FASN: variants seen among roughly 807,000 people sequenced by gnomAD.
FASN encodes fatty acid synthase, also known as 3-hydroxyacyl-[acyl-carrier-protein] dehydratase.
FASN carries 50 observed loss-of-function variants against 250.0 expected under a neutral mutation model. The ratio of observed to expected loss-of-function variants is 0.20; its 90% CI spans 0.16 to 0.25. The LOEUF is 0.25. FASN is among the 10% of genes least tolerant of loss of function. The pLI is 1.00. For missense variants in FASN, 3,031 were observed against 3,498.5 expected (o/e 0.87, Z 3.37); for synonymous variants, 1,909 against 1,584.0 (o/e 1.21, Z -4.87).
chr17:82,082,433 G>T lies in FASN; in HGVS notation c.5920-19C>A. 6.2e-7 allele frequency: 1 copy of T among 1,612,318 alleles called. No individual in the cohort carries two copies. The highest frequency in any genetic ancestry group is 8.5e-7 in the Non-Finnish European group (1 of 1,179,766). ...TCAAGACCTGGGGGAGGCATCCTCA[G>T]CACTCCCTGCAGCTCCAGGGCCTCA... On this transcript the variant is annotated intron_variant, in intron 34 of 42. Transcript: ENST00000306749.
Position 82,079,099 on chromosome 17 carries a change from TG to T in FASN, c.*43del. On this transcript the variant is annotated 3_prime_UTR_variant, in exon 43 of 43. Coordinates refer to ENST00000306749, the MANE Select transcript of FASN (RefSeq NM_004104.5). ...ATGGCGGGGGTGGGGTGGGGTGGGG[TG>T]GGGATGGTGGAGTGACCTCCGGTGG... 3.5e-6 allele frequency: 4 copies of T among 1,127,710 alleles called. No individual in the cohort carries two copies. 69.9% of individuals were successfully genotyped at this position (1,127,710 alleles called of 1,614,324 possible).
rs148222862 is a variant in FASN, at chr17:82,094,266, C to T, written c.281-495G>A. The T allele has an allele frequency of 9.3e-3, 2,256 of 242,412 alleles. 16 individuals carry two copies. The highest frequency in any genetic ancestry group is 0.013 in the Non-Finnish European group (1,582 of 120,832). 15.0% of individuals were successfully genotyped at this position (242,412 alleles called of 1,614,324 possible). A position where few individuals can be genotyped will look rare whatever the true frequency, so the allele number is the denominator to read the frequency against. Reference sequence around the variant, plus strand: ...AGGCTCGGGAAGGAGAGAGGGACACCGGTCACCCCCGGGGAGCATAACCTT... The same window carrying T: ...AGGCTCGGGAAGGAGAGAGGGACACTGGTCACCCCCGGGGAGCATAACCTT... On this transcript the variant is annotated intron_variant, in intron 3 of 42. Transcript: ENST00000306749.
At chr17:82,085,424 C>G in intron 23 of FASN, 22 bp from the exon 24 acceptor site, 1 of 1,604,552 alleles carries the variant, frequency 6.2e-7, no homozygotes, top group Non-Finnish European at 8.5e-7. Context: ...GTGGTCAGCA[C>G]CCTGCCCGCC....
At position 82,084,726 on chromosome 17, in the gene FASN, C is replaced by G; in HGVS notation, c.4565-10G>C. On this transcript the variant is annotated splice_polypyrimidine_tract_variant and intron_variant, in intron 26 of 42. Coordinates refer to ENST00000306749, the MANE Select transcript of FASN (RefSeq NM_004104.5). Reference sequence around the variant, plus strand: ...GGCTCCTCAGGCTTGTCTAGGGAAACAGGGAGGTGGGGCTGCTGCGGGGCC... The same window carrying G: ...GGCTCCTCAGGCTTGTCTAGGGAAAGAGGGAGGTGGGGCTGCTGCGGGGCC... The G allele has an allele frequency of 6.4e-7, 1 of 1,555,778 alleles. No homozygotes were observed. The highest frequency in any genetic ancestry group is 2.4e-5 in the East Asian group (1 of 41,382).
At chr17:82,086,914 T>C in intron 21 of FASN, 136 bp downstream of exon 21, 1 of 943,090 alleles carries the variant, frequency 1.1e-6, no homozygotes, top group Non-Finnish European at 1.6e-6. Context: ...CATCGTGAGC[T>C]CCGGCCGGAG....
At position 82,078,914 on chromosome 17, in the gene FASN, C is replaced by T. The variant is rs1248860568; in HGVS notation, c.*229G>A. 4.9e-6 allele frequency: 3 copies of T among 617,766 alleles called. No homozygotes were observed. The highest frequency in any genetic ancestry group is 5.7e-6 in the Non-Finnish European group (2 of 352,826). 38.3% of individuals were successfully genotyped at this position (617,766 alleles called of 1,614,324 possible). ...GGGCACGGGCACCACCGGCTCTTCACAGACCAGGAGTCTCCAAGTCGGCAG... is the reference window on the plus strand; with the variant it reads ...GGGCACGGGCACCACCGGCTCTTCATAGACCAGGAGTCTCCAAGTCGGCAG... On this transcript the variant is annotated 3_prime_UTR_variant, in exon 43 of 43. Coordinates refer to ENST00000306749, the MANE Select transcript of FASN (RefSeq NM_004104.5). The surrounding 1 kb of genome is among the most constrained non-coding windows in gnomAD (Gnocchi z 5.4).
chr17:82,090,622 C>T lies in FASN; in HGVS notation c.1681-58G>A, dbSNP rs558072187. On this transcript the variant is annotated intron_variant, in intron 10 of 42. Coordinates refer to ENST00000306749, the MANE Select transcript of FASN (RefSeq NM_004104.5). ...CTCCAGCAGGTGCAGCTGTTGGGGG[C>T]GGCCCCCGGCCCCACTAGGCCATCT... is the stretch of plus-strand genomic sequence containing the variant. The T allele has an allele frequency of 1.9e-4, 277 of 1,477,476 alleles. 1 individual carries two copies. The African/African-American group carries it at 3.2e-3, about 17-fold the overall frequency. The allele number at this position is 1,477,476 out of a possible 1,614,324, so 91.5% of individuals were successfully genotyped here.
In FASN at chr17:82,092,571, G is replaced by A. The variant is rs1416164974; in HGVS notation, c.913C>T (p.Leu305=). The change falls in exon 8 of 43, where the codon CTG becomes TTG. Residue 305 remains leucine (L), a synonymous_variant. Coordinates refer to ENST00000306749, the MANE Select transcript of FASN (RefSeq NM_004104.5). ...CACAGGGCTCGGGTGATGCCATTCA[G>A]CTCCTGGGGGTCGCCCACCTGTGGG... ...TGTKVGDPQE[L]NGITRALCAT... is the part of the protein sequence containing the mutation. 1.9e-6 allele frequency: 3 copies of A among 1,605,572 alleles called. No homozygotes were observed. The highest frequency in any genetic ancestry group is 3.3e-5 in the Admixed American group (2 of 59,832).
At chr17:82,095,278 A>G (rs927781741) in intron 3 of FASN, 42 bp downstream of exon 3, 1 of 1,606,658 alleles carries the variant, frequency 6.2e-7, no homozygotes, top group African/African-American at 1.3e-5. Flanking sequence ...CCACGTGAGC[A>G]GCAGGAGCCC....
At position 82,079,280 on chromosome 17, in the gene FASN, C is replaced by T. The variant is rs760070841; in HGVS notation, c.7399G>A (p.Val2467Ile). The change falls in exon 43 of 43, where the codon GTA (valine) becomes ATA (isoleucine). Residue 2467 changes from valine to isoleucine, a missense_variant and splice_region_variant. Transcript: ENST00000306749. The part of the protein sequence containing the change: ...DLGADYNLSQ[V>I]CDGKVSVHVI... ...TGGACGGATACTTTCCCGTCGCATA[C>T]CTGCAGGGGATGCGATCAGCTGCCG... 9.9e-6 allele frequency: 16 copies of T among 1,612,904 alleles called. No homozygotes were observed. The highest frequency in any genetic ancestry group is 3.3e-5 in the Admixed American group (2 of 60,004).
Position 82,082,954 on chromosome 17 carries a change from C to T in FASN, c.5727G>A (p.Val1909=), listed in dbSNP as rs778611088. Residue 1909 remains valine, a synonymous_variant, in exon 33 of 43, where the codon GTG becomes GTA. Transcript: ENST00000306749. The stretch of plus-strand genomic sequence containing the variant: ...AGCGAGAAGTCAACACGAGCTTCTG[C>T]ACCCCACGCTGTATCAGCCACTGCG... The part of the protein sequence containing the change: ...ELAQWLIQRG[V]QKLVLTSRSG... 9 of 1,612,714 alleles carry T rather than the reference C, an allele frequency of 5.6e-6. No individual in the cohort carries two copies. In the African/African-American group the frequency reaches 8.0e-5, roughly 14 times the overall value.
At position 82,088,131 on chromosome 17, in the gene FASN, T is replaced by C. The variant is rs762251297; in HGVS notation, c.2770A>G (p.Ile924Val). 7.7e-5 allele frequency: 124 copies of C among 1,612,622 alleles called. No individual in the cohort carries two copies. Among genetic ancestry groups the C allele is most frequent in the Non-Finnish European group, 9.5e-5 (112 of 1,179,970 alleles). ...TACCCCTCACCAGTCTTGGGCAGGA[T>C]GGTGGCCTGGTGCAGCACCACATCC... ...FEDVVLHQATILPKTGTVSLE... is the reference protein window; with the variant it reads ...FEDVVLHQATVLPKTGTVSLE... The change falls in exon 17 of 43, where the codon ATC becomes GTC. Residue 924 changes from isoleucine (I) to valine (V), a missense_variant. Transcript: ENST00000306749.
intron 17 of FASN, 30 bp downstream of exon 17, chr17:82,088,086 C>T (rs201688386): frequency 3.1e-6 from 5 of 1,612,722 alleles, no homozygotes; most frequent in African/African-American, 2.7e-5. Context: ...CCCCCAGCTA[C>T]CCCCGCCTTG....
At chr17:82,096,943 G>T (rs1176026663) in intron 1 of FASN, 1 of 242,522 alleles carries the variant, frequency 4.1e-6, no homozygotes, top group Non-Finnish European at 8.3e-6. Context: ...GAGAGGCAGG[G>T]TCCCAAAGCC....
rs372748860 is a variant in FASN at position 82,092,151 on chromosome 17, C to T, written c.1029+304G>A. On this transcript the variant is annotated intron_variant, in intron 8 of 42. Transcript: ENST00000306749. ...GACCCTGATGGTGCCGTGGACCCCCCCAGGCCTGCTCCTGCCTCGCTCTTC... is the reference window on the plus strand; with the variant it reads ...GACCCTGATGGTGCCGTGGACCCCCTCAGGCCTGCTCCTGCCTCGCTCTTC... 5.9e-5 allele frequency among the ~76,000 whole-genome samples: 9 copies of T among 152,146 alleles called. No homozygotes were observed. In the East Asian group the frequency reaches 7.7e-4, roughly 13 times the overall value.
At chr17:82,079,855 G>A (rs1449200492) in intron 41 of FASN, 2 of 635,514 alleles carry the variant, frequency 3.1e-6, no homozygotes, top group Non-Finnish European at 5.4e-6. Flanking sequence ...CTATAGGTGA[G>A]TGCCACCATG....
intron 3 of FASN, among the ~76,000 whole-genome samples, chr17:82,095,029 C>T (rs539688264): frequency 8.5e-5 from 13 of 152,226 alleles, no homozygotes; most frequent in South Asian, 8.3e-4. Flanking sequence ...TGCTTTGCCT[C>T]TCGTCACTCC....
chr17:82,089,585 T>C (rs769816941), intron 12 of FASN, 47 bp downstream of exon 12: 2 of 1,556,324 alleles, frequency 1.3e-6, no homozygotes, highest in Admixed American at 1.9e-5. Context: ...AGACTTGCAA[T>C]GGCAGGCGCA....
At chr17:82,098,056 C>A in intron 1 of FASN, 65 bp downstream of exon 1, 1 of 323,156 alleles carries the variant, frequency 3.1e-6, no homozygotes, top group Non-Finnish European at 5.6e-6. Flanking sequence ...CCGGGCCACC[C>A]CGGGAACCCC....
Sources: allele counts gnomAD v4.1 joint callset (sites outside exome capture counted in the v4.1 genomes callset), GRCh38; gene constraint gnomAD v4.1.1; non-coding constraint Gnocchi (gnomAD v3.1); transcripts MANE v1.5; gene names NCBI Gene and HGNC (gene_info 2026-07-23, HGNC 2026-07-21).